Variants in PRSS48 observed in about 807,000 individuals in gnomAD.
PRSS48 encodes epidermis-specific serine protease-like protein.
Under a neutral mutation model 25.6 loss-of-function variants are expected in PRSS48, and 21 were observed. That is an observed-to-expected ratio of 0.82 (90% CI 0.58 to 1.18). The LOEUF (loss-of-function observed/expected upper bound fraction) is 1.18. PRSS48 is among the 50% of genes most tolerant of loss of function. PRSS48 has a pLI of 0.00. For synonymous variants in PRSS48, 150 were observed against 149.3 expected, an observed-to-expected ratio of 1.00 and a Z score of -0.04; for missense variants, 373 against 399.3, an observed-to-expected ratio of 0.93 and a Z score of 0.56.
chr4:151,277,400 TAGC>T (rs767468904), intron 1 of PRSS48, among the ~76,000 whole-genome samples, 176 bp downstream of exon 1: 1 of 152,160 alleles, frequency 6.6e-6, no homozygotes, highest in Non-Finnish European at 1.5e-5. Context: ...CGATTGGAAA[TAGC>T]AGTACACACA....
In PRSS48 at chr4:151,278,938, T is replaced by C. The variant is rs1450320514; in HGVS notation, c.53-858T>C. ...GTGAGTCACTGTGCCCAGTCAATCT[T>C]ACCACTTTCATTTGTCTATTGGTTC... On this transcript the variant is annotated intron_variant, in intron 1 of 4. Transcript: ENST00000455694. 2.0e-5 allele frequency: 4 copies of C among 196,428 alleles called. No individual in the cohort carries two copies. The East Asian group carries it at 5.2e-4, about 26-fold the overall frequency. The allele number at this position is 196,428 out of a possible 1,614,324, so 12.2% of individuals were successfully genotyped here.
intron 1 of PRSS48, 109 bp downstream of exon 1, chr4:151,277,333 C>G (rs1773730384): frequency 1.2e-6 from 1 of 847,988 alleles, no homozygotes; most frequent in Non-Finnish European, 1.6e-6. Context: ...TTATGAGTAG[C>G]ACAGCCTGAG....
intron 4 of PRSS48, among the ~76,000 whole-genome samples, chr4:151,284,067 C>T (rs1018824357): frequency 2.6e-5 from 4 of 151,998 alleles, no homozygotes; most frequent in African/African-American, 7.2e-5. Context: ...TGCATTTATC[C>T]TATTTGGGGT....
chr4:151,282,071 GACTTAGTGCT>G, intron 2 of PRSS48, 67 bp from the exon 3 acceptor site: 1 of 1,478,512 alleles, frequency 6.8e-7, no homozygotes. Flanking sequence ...CTTGAGTAGA[GACTTAGTGCT>G]ACATATAGGC....
At chr4:151,280,063 C>CACAGT in intron 2 of PRSS48, 105 bp downstream of exon 2, 1 of 1,309,360 alleles carries the variant, frequency 7.6e-7, no homozygotes. Context: ...ATAGGCAGGG[C>CACAGT]GGAAGGAAAC....
In PRSS48 at chr4:151,282,257, C is replaced by T. The variant is rs954323838; in HGVS notation, c.325C>T (p.Gln109Ter). The T allele has an allele frequency of 7.4e-6, 12 of 1,613,832 alleles. No homozygotes were observed. Among genetic ancestry groups the T allele is most frequent in the Middle Eastern group, 1.6e-4 (1 of 6,084 alleles). Residue 109 changes from glutamine to a stop codon, truncating the protein, a stop_gained, in exon 3 of 5, where the codon CAA becomes TAA. Coordinates refer to ENST00000455694, the Ensembl canonical transcript of PRSS48. LOFTEE classifies it high-confidence loss of function. ...CAAAATCGTCATCCATCCCAAGTAC[C>T]AAGATACAACGGCAGACGTCGCCTT...
chr4:151,282,709 A>G (rs6850118), intron 3 of PRSS48, among the ~76,000 whole-genome samples: 2,743 of 152,258 alleles, frequency 0.018, 41 homozygotes, highest in Middle Eastern at 0.037. Context: ...AAGTTTGGAG[A>G]GCGTCTAGTG....
chr4:151,288,660 C>T lies in PRSS48; in HGVS notation c.652-2458C>T, dbSNP rs546276712. Among the ~76,000 whole-genome samples the T allele has an allele frequency of 1.1e-4, 17 of 151,084 alleles. No individual in the cohort carries two copies. In the South Asian group the frequency reaches 1.7e-3, roughly 15 times the overall value. On this transcript the variant is annotated intron_variant, in intron 4 of 4. Coordinates refer to ENST00000455694, the Ensembl canonical transcript of PRSS48. Reference sequence around the variant, plus strand: ...CTCCAGCCTGGGCGGGGCAACGAAGCGAGACTCTGTCTTAAAAAAAAAAGA... The same window carrying T: ...CTCCAGCCTGGGCGGGGCAACGAAGTGAGACTCTGTCTTAAAAAAAAAAGA...
rs1229268486 is a variant in PRSS48 at position 151,291,383 on chromosome 4, T to C, written c.917T>C (p.Val306Ala). The change falls in exon 5 of 5, where the codon GTA becomes GCA. Residue 306 changes from valine to alanine, a missense_variant. Val to Ala is a moderately conservative substitution (Grantham distance 64). Coordinates refer to ENST00000455694, the Ensembl canonical transcript of PRSS48. ...AACACTATACACAGAGTAGGCACTG[T>C]AGCTGAAGCTGTTGCTTGCATACAG... 4 of 1,613,936 alleles carry C rather than the reference T, an allele frequency of 2.5e-6. No homozygotes were observed. In the African/African-American group the frequency reaches 5.3e-5, roughly 22 times the overall value.
chr4:151,279,608 C>A (rs1200159964), intron 1 of PRSS48, among the ~76,000 whole-genome samples, 188 bp from the exon 2 acceptor site: 1 of 152,166 alleles, frequency 6.6e-6, no homozygotes, highest in Non-Finnish European at 1.5e-5. Context: ...GAAAGAGCTA[C>A]AATCAGGGGA....
At chr4:151,286,512 A>G (rs1774802394) in intron 4 of PRSS48, among the ~76,000 whole-genome samples, 1 of 151,706 alleles carries the variant, frequency 6.6e-6, no homozygotes, top group Non-Finnish European at 1.5e-5. Flanking sequence ...ACAAATTCCT[A>G]GAAACACACA....
intron 2 of PRSS48, among the ~76,000 whole-genome samples, chr4:151,281,791 C>T (rs557890984): frequency 1.1e-4 from 16 of 151,984 alleles, no homozygotes; most frequent in Non-Finnish European, 2.1e-4. Flanking sequence ...AAATGAAGGT[C>T]TAGTGCTCAG....
chr4:151,291,303 C>A lies in PRSS48; in HGVS notation c.837C>A (p.Phe279Leu), dbSNP rs768251371. ...ATCTAGACTTCTCTGACTTCTTGTT[C>A]CCTATTGTCCTACTCTCTCTGGCTC... The change falls in exon 5 of 5, where the codon TTC (phenylalanine) becomes TTA (leucine). Residue 279 changes from phenylalanine to leucine, a missense_variant. Physicochemically the swap from Phe to Leu is conservative, Grantham distance 22 (BLOSUM62 0). Transcript: ENST00000455694. The A allele has an allele frequency of 2.5e-6, 4 of 1,613,956 alleles. No individual in the cohort carries two copies. In the Admixed American group the frequency reaches 6.7e-5, roughly 27 times the overall value.
chr4:151,290,101 A>T (rs773025969), intron 4 of PRSS48, among the ~76,000 whole-genome samples: 2 of 152,160 alleles, frequency 1.3e-5, no homozygotes, highest in Non-Finnish European at 2.9e-5. Flanking sequence ...ATATGCCACC[A>T]TAGCAGCTAT....
chr4:151,282,072 A>C, intron 2 of PRSS48, 76 bp from the exon 3 acceptor site: 1 of 1,482,396 alleles, frequency 6.7e-7, no homozygotes, highest in South Asian at 1.2e-5. Context: ...TTGAGTAGAG[A>C]CTTAGTGCTA....
At chr4:151,288,153 A>AAAACCC in intron 4 of PRSS48, among the ~76,000 whole-genome samples, 1 of 152,176 alleles carries the variant, frequency 6.6e-6, no homozygotes, top group Non-Finnish European at 1.5e-5. Context: ...CAACTACAAA[A>AAAACCC]AAACCCACAG....
Position 151,284,032 on chromosome 4 carries a change from A to G in PRSS48, c.651+746A>G, listed in dbSNP as rs143670553. On this transcript the variant is annotated intron_variant, in intron 4 of 4. Transcript: ENST00000455694. ...ACCTTTGATTGTCAGCAGTTTGAATATGATGTACTAGGTGTGGTTTTCTTT... is the reference window on the plus strand; with the variant it reads ...ACCTTTGATTGTCAGCAGTTTGAATGTGATGTACTAGGTGTGGTTTTCTTT... 4.6e-5 allele frequency among the ~76,000 whole-genome samples: 7 copies of G among 152,244 alleles called. No homozygotes were observed. The East Asian group carries it at 1.4e-3, about 29-fold the overall frequency.
chr4:151,283,827 T>C (rs909821911), intron 4 of PRSS48, among the ~76,000 whole-genome samples: 8 of 152,166 alleles, frequency 5.3e-5, no homozygotes, highest in African/African-American at 1.9e-4. Flanking sequence ...TATTATGAGG[T>C]TGAAGCAGAA....
At chr4:151,288,200 C>A (rs114259689) in intron 4 of PRSS48, among the ~76,000 whole-genome samples, 325 of 152,172 alleles carry the variant, frequency 2.1e-3, no homozygotes, top group African/African-American at 7.4e-3. Context: ...TATGCTTTTG[C>A]CATAAGGTCA....
Sources: gnomAD v4.1 joint callset for allele counts (sites outside exome capture counted in the v4.1 genomes callset) on GRCh38, gnomAD v4.1.1 for gene constraint, MANE v1.5 for transcripts, NCBI Gene and HGNC (gene_info 2026-07-23, HGNC 2026-07-21) for gene names.